Variants in NOX4 observed in about 807,000 individuals in gnomAD.
The protein encoded by NOX4 is NADPH oxidase 4.
Under a neutral mutation model 87.6 loss-of-function variants are expected in NOX4, and 69 were observed. The ratio of observed to expected loss-of-function variants is 0.79; its 90% CI spans 0.65 to 0.96. NOX4 has a LOEUF of 0.96. Among genes scored for constraint, NOX4 ranks in the 40% least tolerant of loss-of-function variants. The pLI is 0.00. For missense variants in NOX4, 680 were observed against 681.5 expected (o/e 1.00, Z 0.02); for synonymous variants, 275 against 238.2 (o/e 1.15, Z -1.42).
intron 8 of NOX4, among the ~76,000 whole-genome samples, chr11:89,414,402 AT>A (rs1195061981): frequency 6.6e-6 from 1 of 151,866 alleles, no homozygotes; most frequent in African/African-American, 2.4e-5. Flanking sequence ...TGTGGACTTA[AT>A]TGATTTTTCT....
intron 15 of NOX4, among the ~76,000 whole-genome samples, chr11:89,337,886 T>C (rs1945786119): frequency 6.6e-6 from 1 of 152,016 alleles, no homozygotes; most frequent in African/African-American, 2.4e-5. Context: ...AAGAACATGA[T>C]TTTCTTGAGA....
chr11:89,324,911 T>A lies in NOX4; in HGVS notation c.*1845A>T, dbSNP rs566072644. 2 of 152,116 alleles carry A rather than the reference T, an allele frequency of 1.3e-5. No homozygotes were observed. Among genetic ancestry groups the A allele is most frequent in the East Asian group, 3.9e-4 (2 of 5,160 alleles). The allele number at this position is 152,116 out of a possible 1,614,324, so 9.4% of individuals were successfully genotyped here. ...AAAGGAAGAAATATCTACAAGTAAA[T>A]ATCATTCAGTATGGGTTAGCATGCT... On this transcript the variant is annotated 3_prime_UTR_variant, in exon 18 of 18. Transcript: ENST00000263317.
intron 7 of NOX4, among the ~76,000 whole-genome samples, chr11:89,422,532 C>G (rs1186083714): frequency 6.6e-6 from 1 of 152,064 alleles, no homozygotes; most frequent in African/African-American, 2.4e-5. Context: ...GAATGATAAG[C>G]ATAATCTACA....
intron 2 of NOX4, chr11:89,488,776 G>T (rs528821160): frequency 1.1e-5 from 5 of 451,044 alleles, no homozygotes; most frequent in South Asian, 5.3e-5. Flanking sequence ...ACTGAAAAAC[G>T]TCCTATTCAT....
chr11:89,581,503 T>C, the NOX4 span, among the ~76,000 whole-genome samples: 1 of 152,188 alleles, frequency 6.6e-6, no homozygotes, highest in East Asian at 1.9e-4. Flanking sequence ...AATATAATTT[T>C]GAGAACTTAG....
intron 5 of NOX4, among the ~76,000 whole-genome samples, chr11:89,443,232 G>C (rs1048227861): frequency 6.6e-6 from 1 of 152,072 alleles, no homozygotes; most frequent in Non-Finnish European, 1.5e-5. Flanking sequence ...TTCTGAATTT[G>C]TTGTTACTTT....
At chr11:89,521,077 G>A in the NOX4 span, among the ~76,000 whole-genome samples, 1 of 152,078 alleles carries the variant, frequency 6.6e-6, no homozygotes, top group Non-Finnish European at 1.5e-5. Context: ...CATGCCCATA[G>A]ATTGCAAAAA....
At chr11:89,490,750 C>T in intron 1 of NOX4, 197 bp from the exon 2 acceptor site, 2 of 698,348 alleles carry the variant, frequency 2.9e-6, no homozygotes, top group South Asian at 3.0e-5. Context: ...CCAGCCCTTT[C>T]ACCTGAGACT....
chr11:89,401,694 C>G (rs1311196890), intron 9 of NOX4, among the ~76,000 whole-genome samples: 1 of 152,028 alleles, frequency 6.6e-6, no homozygotes, highest in Non-Finnish European at 1.5e-5. Flanking sequence ...AGTCAAAGAC[C>G]TGGGTTTACA....
upstream of NOX4, among the ~76,000 whole-genome samples, chr11:89,495,247 G>T (rs535086921): frequency 6.6e-6 from 1 of 152,250 alleles, no homozygotes; most frequent in African/African-American, 2.4e-5. Flanking sequence ...AAAGTCCTGG[G>T]ATTACATGCA....
intron 6 of NOX4, among the ~76,000 whole-genome samples, chr11:89,438,904 TAATATATA>T (rs1944317581): frequency 2.0e-5 from 1 of 49,264 alleles, no homozygotes; most frequent in Non-Finnish European, 3.6e-5. Context: ...ATTATATATA[TAATATATA>T]ATATAAAATA....
chr11:89,453,452 C>G (rs1945055742), intron 2 of NOX4, among the ~76,000 whole-genome samples: 1 of 152,164 alleles, frequency 6.6e-6, no homozygotes, highest in Non-Finnish European at 1.5e-5. Context: ...TATATCCATT[C>G]TTTTGAGAAC....
At chr11:89,448,016 G>A (rs1309100889) in intron 4 of NOX4, among the ~76,000 whole-genome samples, 1 of 152,134 alleles carries the variant, frequency 6.6e-6, no homozygotes, top group Non-Finnish European at 1.5e-5. Context: ...ACATTCATTA[G>A]TCAAAATGGC....
At chr11:89,556,428 C>A in the NOX4 span, among the ~76,000 whole-genome samples, 1 of 151,322 alleles carries the variant, frequency 6.6e-6, no homozygotes, top group Non-Finnish European at 1.5e-5. Flanking sequence ...GAGGCTTAGG[C>A]AGGAGAATGG....
At chr11:89,447,401 T>C (rs977953484) in intron 4 of NOX4, among the ~76,000 whole-genome samples, 2 of 152,154 alleles carry the variant, frequency 1.3e-5, no homozygotes, top group Non-Finnish European at 2.9e-5. Context: ...AATTAAGGGA[T>C]ATATTCACCT....
intron 3 of NOX4, among the ~76,000 whole-genome samples, chr11:89,450,182 C>A (rs1316013354): frequency 1.3e-5 from 2 of 152,236 alleles, no homozygotes; most frequent in South Asian, 2.1e-4. Flanking sequence ...AATAGCCAAC[C>A]ACAGGGATCA....
At chr11:89,354,490 A>C (rs1475567110) in intron 13 of NOX4, among the ~76,000 whole-genome samples, 1 of 152,192 alleles carries the variant, frequency 6.6e-6, no homozygotes, top group Admixed American at 6.6e-5. Flanking sequence ...TCAATACGAT[A>C]AATAAGAATA....
intron 2 of NOX4, among the ~76,000 whole-genome samples, chr11:89,474,210 T>A (rs1052499765): frequency 1.3e-5 from 2 of 152,134 alleles, no homozygotes; most frequent in Admixed American, 6.6e-5. Context: ...TTTTCTCCAA[T>A]TGACAATCAC....
chr11:89,381,837 T>C (rs1449363735), intron 11 of NOX4, among the ~76,000 whole-genome samples: 4 of 152,228 alleles, frequency 2.6e-5, no homozygotes, highest in Non-Finnish European at 5.9e-5. Flanking sequence ...CTCTTTTTAC[T>C]CTTCTCCAGC....
Sources: allele counts gnomAD v4.1 joint callset (sites outside exome capture counted in the v4.1 genomes callset), GRCh38; gene constraint gnomAD v4.1.1; transcripts MANE v1.5; gene names NCBI Gene and HGNC (gene_info 2026-07-23, HGNC 2026-07-21).